The following IGSF21 variants were observed in gnomAD, a reference collection of about 807,000 sequenced individuals.
The protein encoded by IGSF21 is immunoglobin superfamily member 21, also known as immunoglobulin superfamily member 21.
A neutral mutation model predicts 46.8 loss-of-function variants in IGSF21; 28 were observed. The ratio of observed to expected loss-of-function variants is 0.60; its 90% CI spans 0.44 to 0.82. The LOEUF (loss-of-function observed/expected upper bound fraction) is 0.82. Among genes scored for constraint, IGSF21 ranks in the 40% least tolerant of loss-of-function variants. IGSF21 has a pLI of 0.00. For missense variants in IGSF21, 624 were observed against 665.5 expected, an observed-to-expected ratio of 0.94 and a Z score of 0.69; for synonymous variants, 284 against 273.6, an observed-to-expected ratio of 1.04 and a Z score of -0.38.
intron 1 of IGSF21, among the ~76,000 whole-genome samples, chr1:18,222,416 G>C (rs1292455930): frequency 6.6e-6 from 1 of 152,178 alleles, no homozygotes; most frequent in Non-Finnish European, 1.5e-5. Context: ...TCCTAGACTG[G>C]AGAGTGGAAT....
chr1:18,192,268 T>G lies in IGSF21; in HGVS notation c.71-35630T>G, dbSNP rs564509460. Among the ~76,000 whole-genome samples the G allele has an allele frequency of 2.0e-4, 30 of 152,256 alleles. No homozygotes were observed. The East Asian group carries it at 5.6e-3, about 29-fold the overall frequency. ...CAGTCTTGTCTAACACCTTCTTGCC[T>G]GTGGTCAGCAGACTGGGGCATGAAC... On this transcript the variant is annotated intron_variant, in intron 1 of 9. Transcript: ENST00000251296.
chr1:18,305,506 A>T (rs1049215859), intron 3 of IGSF21, among the ~76,000 whole-genome samples: 3 of 135,042 alleles, frequency 2.2e-5, no homozygotes, highest in Non-Finnish European at 4.6e-5. Context: ...GGATGGATGG[A>T]TGGATGAATG....
intron 2 of IGSF21, among the ~76,000 whole-genome samples, chr1:18,277,102 C>T (rs754603829): frequency 2.6e-5 from 4 of 152,202 alleles, no homozygotes; most frequent in Admixed American, 6.5e-5. Flanking sequence ...TTGAATAGAT[C>T]GCCTGGCCTC....
chr1:18,364,126 G>A (rs1021608763), intron 5 of IGSF21, among the ~76,000 whole-genome samples: 7 of 151,968 alleles, frequency 4.6e-5, no homozygotes, highest in Admixed American at 6.6e-5. Flanking sequence ...TTTGCGACAC[G>A]GCAATAAAAT....
chr1:18,155,138 C>T (rs72655125), intron 1 of IGSF21, among the ~76,000 whole-genome samples: 1,869 of 152,174 alleles, frequency 0.012, 24 homozygotes, highest in Non-Finnish European at 0.019. Flanking sequence ...GCTTCCTGGG[C>T]CCCATGGCAC....
chr1:18,368,575 A>G (rs2086192230), intron 6 of IGSF21, among the ~76,000 whole-genome samples: 1 of 151,134 alleles, frequency 6.6e-6, no homozygotes, highest in South Asian at 2.1e-4. Flanking sequence ...CAGGCCCTGT[A>G]CTAAGTGCTG....
At chr1:18,208,548 A>ATTTTTTTTTTTTTTTTTTTTTTTTTTTTT in intron 1 of IGSF21, among the ~76,000 whole-genome samples, 1 of 85,852 alleles carries the variant, frequency 1.2e-5, no homozygotes, top group Non-Finnish European at 2.2e-5. Flanking sequence ...AGCCCAGCTA[A>ATTTTTTTTTTTTTTTTTTTTTTTTTTTTT]TTTTTTTTTT....
chr1:18,150,174 GC>G (rs2086508841), intron 1 of IGSF21, among the ~76,000 whole-genome samples: 1 of 152,144 alleles, frequency 6.6e-6, no homozygotes, highest in Non-Finnish European at 1.5e-5. Context: ...GATTGCTTCA[GC>G]CCAGGAGCTC....
intron 4 of IGSF21, among the ~76,000 whole-genome samples, chr1:18,352,777 T>G (rs185002985): frequency 3.3e-5 from 5 of 152,278 alleles, no homozygotes; most frequent in Non-Finnish European, 7.4e-5. Context: ...CTTCTACCAC[T>G]GCGAAAGCAC....
chr1:18,187,266 ATCTC>A (rs2086912796), intron 1 of IGSF21, among the ~76,000 whole-genome samples: 1 of 151,880 alleles, frequency 6.6e-6, no homozygotes, highest in African/African-American at 2.4e-5. Context: ...GCACACTCTG[ATCTC>A]TCTCTCTTCC....
chr1:18,138,443 G>A (rs1299045005), intron 1 of IGSF21, among the ~76,000 whole-genome samples: 2 of 152,072 alleles, frequency 1.3e-5, no homozygotes, highest in Admixed American at 6.6e-5. Flanking sequence ...TTGCTTTTGG[G>A]GTTCCCTTCA....
intron 1 of IGSF21, among the ~76,000 whole-genome samples, chr1:18,227,584 G>A (rs952143342): frequency 4.6e-5 from 7 of 151,668 alleles, no homozygotes; most frequent in African/African-American, 1.5e-4. Flanking sequence ...GTTCTTGGAG[G>A]TGCCAGCAGG....
chr1:18,151,330 G>A (rs1268537526), intron 1 of IGSF21, among the ~76,000 whole-genome samples: 1 of 152,194 alleles, frequency 6.6e-6, no homozygotes, highest in Non-Finnish European at 1.5e-5. Flanking sequence ...AGGCTCCCCT[G>A]AGCACTCACA....
At chr1:18,344,327 C>G (rs1396960562) in intron 4 of IGSF21, among the ~76,000 whole-genome samples, 1 of 152,146 alleles carries the variant, frequency 6.6e-6, no homozygotes, top group Non-Finnish European at 1.5e-5. Context: ...TGCCACCATG[C>G]CTGGCTAATT....
At chr1:18,199,707 C>T (rs982843723) in intron 1 of IGSF21, among the ~76,000 whole-genome samples, 1 of 152,148 alleles carries the variant, frequency 6.6e-6, no homozygotes, top group Non-Finnish European at 1.5e-5. Context: ...CTCCCTATCT[C>T]TCACCTCGGC....
intron 2 of IGSF21, among the ~76,000 whole-genome samples, chr1:18,272,719 G>A (rs1372332008): frequency 2.0e-5 from 3 of 152,222 alleles, no homozygotes; most frequent in Non-Finnish European, 2.9e-5. Context: ...GGCTGCCCTG[G>A]GGCAGTGGAG....
intron 2 of IGSF21, among the ~76,000 whole-genome samples, chr1:18,278,492 C>T (rs1447021452): frequency 1.3e-5 from 2 of 151,746 alleles, no homozygotes; most frequent in African/African-American, 2.4e-5. Flanking sequence ...CTGCCTGCCT[C>T]GGCCTCCCAA....
At chr1:18,273,389 C>A (rs1428285866) in intron 2 of IGSF21, among the ~76,000 whole-genome samples, 1 of 147,094 alleles carries the variant, frequency 6.8e-6, no homozygotes. Context: ...CCTTTCCTTT[C>A]CTTTCCTTTC....
At chr1:18,373,379 TTGTC>T (rs540892909) in intron 6 of IGSF21, among the ~76,000 whole-genome samples, 46 of 152,222 alleles carry the variant, frequency 3.0e-4, no homozygotes, top group African/African-American at 1.0e-3. Context: ...TAGGTTTTGA[TTGTC>T]TGGAGCTGCT....
Sources: gnomAD v4.1 joint callset for allele counts (sites outside exome capture counted in the v4.1 genomes callset) on GRCh38, gnomAD v4.1.1 for gene constraint, MANE v1.5 for transcripts, NCBI Gene and HGNC (gene_info 2026-07-23, HGNC 2026-07-21) for gene names.